The following DLG2 variants were observed in gnomAD, a reference collection of about 807,000 sequenced individuals.
DLG2 encodes the protein discs large MAGUK scaffold protein 2.
Under a neutral mutation model 132.5 loss-of-function variants are expected in DLG2, and 45 were observed. That is an observed-to-expected ratio of 0.34 (90% CI 0.27 to 0.44). The LOEUF is 0.44. Among genes scored for constraint, DLG2 ranks in the 20% least tolerant of loss-of-function variants. The pLI, the probability that DLG2 is intolerant of heterozygous loss-of-function variation, is 1.00. For synonymous variants in DLG2, 424 were observed against 419.6 expected, an observed-to-expected ratio of 1.01 and a Z score of -0.13; for missense variants, 1,045 against 1,196.9, an observed-to-expected ratio of 0.87 and a Z score of 1.87.
chr11:84,595,613 G>A (rs988863408), intron 6 of DLG2, among the ~76,000 whole-genome samples: 2 of 152,102 alleles, frequency 1.3e-5, no homozygotes, highest in South Asian at 2.1e-4. Flanking sequence ...CAGATTTTGC[G>A]GAGAAAACAC....
chr11:83,921,477 C>G (rs1025137571), intron 15 of DLG2, among the ~76,000 whole-genome samples: 1 of 152,074 alleles, frequency 6.6e-6, no homozygotes, highest in Non-Finnish European at 1.5e-5. Context: ...CCGCATAAGT[C>G]ATTATAAGGT....
chr11:83,508,677 A>G (rs1367543166), intron 21 of DLG2, among the ~76,000 whole-genome samples: 2 of 152,140 alleles, frequency 1.3e-5, no homozygotes, highest in Admixed American at 6.5e-5. Flanking sequence ...ACATATACAC[A>G]TACAGGCAAA....
chr11:83,987,269 G>T (rs1299456042), intron 11 of DLG2, among the ~76,000 whole-genome samples: 1 of 152,018 alleles, frequency 6.6e-6, no homozygotes, highest in Non-Finnish European at 1.5e-5. Context: ...TGGCCATACC[G>T]CCCAAGGTAA....
At chr11:83,788,082 T>G (rs1333504937) in intron 17 of DLG2, among the ~76,000 whole-genome samples, 1 of 152,204 alleles carries the variant, frequency 6.6e-6, no homozygotes, top group Non-Finnish European at 1.5e-5. Context: ...TGGGGCAGGT[T>G]GATATGGGCT....
chr11:84,300,398 A>C (rs1372296690), intron 7 of DLG2, among the ~76,000 whole-genome samples: 2 of 152,214 alleles, frequency 1.3e-5, no homozygotes, highest in African/African-American at 4.8e-5. Flanking sequence ...TCCAGAGAAC[A>C]GACACAAGGA....
At chr11:83,464,132 G>T (rs903909582) in intron 26 of DLG2, among the ~76,000 whole-genome samples, 2 of 152,216 alleles carry the variant, frequency 1.3e-5, no homozygotes, top group Non-Finnish European at 2.9e-5. Flanking sequence ...GGAGCAGGAA[G>T]GTAAAAGCAG....
Position 83,657,174 on chromosome 11 carries a change from C to T in DLG2, c.1826-23849G>A, listed in dbSNP as rs114253671. On this transcript the variant is annotated intron_variant, in intron 18 of 27. Transcript: ENST00000376104. ...CCTGCTGCTACAACTCCAATGAAAA[C>T]GTATTAAACACACCTAGTGCCTGGC... is the stretch of plus-strand genomic sequence containing the variant. Among the ~76,000 whole-genome samples the T allele has an allele frequency of 7.3e-3, 1,115 of 152,290 alleles. 16 individuals are homozygous for T. Among genetic ancestry groups the T allele is most frequent in the African/African-American group, 0.025 (1,054 of 41,540 alleles).
intron 7 of DLG2, among the ~76,000 whole-genome samples, chr11:84,515,336 C>T (rs960302669): frequency 5.4e-5 from 8 of 149,330 alleles, no homozygotes; most frequent in South Asian, 4.2e-4. Context: ...ATGCAGCCTA[C>T]GAAACCCCAC....
intron 6 of DLG2, among the ~76,000 whole-genome samples, chr11:84,968,204 TTA>T (rs2053586630): frequency 6.6e-6 from 1 of 152,168 alleles, no homozygotes. Context: ...TAGAATAAAA[TTA>T]TATATGACAA....
At chr11:85,484,192 T>A (rs1466558218) in intron 3 of DLG2, among the ~76,000 whole-genome samples, 1 of 151,212 alleles carries the variant, frequency 6.6e-6, no homozygotes, top group Admixed American at 6.6e-5. Flanking sequence ...TGGCGGATCT[T>A]TCCCGCCCCC....
intron 6 of DLG2, among the ~76,000 whole-genome samples, chr11:85,034,059 T>C (rs1172485577): frequency 6.6e-6 from 1 of 151,366 alleles, no homozygotes; most frequent in Non-Finnish European, 1.5e-5. Flanking sequence ...CCAGCTAGTA[T>C]TGTCCTGAGA....
At chr11:85,514,766 G>A (rs991010066) in intron 3 of DLG2, among the ~76,000 whole-genome samples, 8 of 151,616 alleles carry the variant, frequency 5.3e-5, no homozygotes, top group Non-Finnish European at 7.4e-5. Flanking sequence ...CTTTTCATAC[G>A]CTCTTGGTTT....
At chr11:84,716,709 A>G (rs1435371888) in intron 6 of DLG2, among the ~76,000 whole-genome samples, 1 of 144,178 alleles carries the variant, frequency 6.9e-6, no homozygotes, top group East Asian at 2.0e-4. Flanking sequence ...GACAGGGGCA[A>G]AAAAAAAAAA....
chr11:84,409,755 A>G (rs1416064885), intron 7 of DLG2, among the ~76,000 whole-genome samples: 1 of 152,180 alleles, frequency 6.6e-6, no homozygotes, highest in Non-Finnish European at 1.5e-5. Flanking sequence ...TTCCAGATCA[A>G]TATGTTTAAT....
chr11:84,607,515 G>A (rs909801525), intron 6 of DLG2, among the ~76,000 whole-genome samples: 1 of 152,110 alleles, frequency 6.6e-6, no homozygotes, highest in African/African-American at 2.4e-5. Context: ...GGAAAGTGAA[G>A]TCAGTGGACT....
chr11:83,530,437 A>AC (rs1247302068), intron 21 of DLG2, among the ~76,000 whole-genome samples: 1 of 151,820 alleles, frequency 6.6e-6, no homozygotes, highest in Non-Finnish European at 1.5e-5. Context: ...TTTCATGGTG[A>AC]CAGCAATTGA....
chr11:84,613,759 A>G (rs539477605), intron 6 of DLG2, among the ~76,000 whole-genome samples: 1 of 152,176 alleles, frequency 6.6e-6, no homozygotes, highest in Non-Finnish European at 1.5e-5. Context: ...AGAACCTACT[A>G]CTCTAAAACT....
chr11:84,201,664 T>C (rs1317743398), intron 8 of DLG2, among the ~76,000 whole-genome samples: 1 of 151,892 alleles, frequency 6.6e-6, no homozygotes, highest in Non-Finnish European at 1.5e-5. Context: ...ATACAATTTC[T>C]TCCTGGTTCG....
chr11:85,245,752 C>T (rs1565209484), intron 4 of DLG2, among the ~76,000 whole-genome samples: 2 of 151,948 alleles, frequency 1.3e-5, no homozygotes, highest in African/African-American at 2.4e-5. Flanking sequence ...CCCTCCATTC[C>T]CTCTCTGGCT....
Sources: gnomAD v4.1 joint callset for allele counts (sites outside exome capture counted in the v4.1 genomes callset) on GRCh38, gnomAD v4.1.1 for gene constraint, MANE v1.5 for transcripts, NCBI Gene and HGNC (gene_info 2026-07-23, HGNC 2026-07-21) for gene names.